NAA38: variants seen among roughly 807,000 people sequenced by gnomAD.
NAA38 encodes the protein N-alpha-acetyltransferase 38, NatC auxiliary subunit.
Under a neutral mutation model 12.6 loss-of-function variants are expected in NAA38, and 15 were observed. That is an observed-to-expected ratio of 1.19 (90% CI 0.79 to 1.83). NAA38 has a LOEUF of 1.83. NAA38 is among the 40% of genes most tolerant of loss of function. The pLI is 0.00. For missense variants in NAA38, 183 were observed against 171.7 expected, an observed-to-expected ratio of 1.07 and a Z score of -0.37; for synonymous variants, 88 against 69.9, an observed-to-expected ratio of 1.26 and a Z score of -1.29.
At chr17:7,878,247 T>A (rs1967209142) in intron 2 of NAA38, among the ~76,000 whole-genome samples, 1 of 152,134 alleles carries the variant, frequency 6.6e-6, no homozygotes, top group South Asian at 2.1e-4. Context: ...TATAATGGTA[T>A]AGCTGATATA....
upstream of NAA38, chr17:7,858,070 T>C (rs1406323499): frequency 1.3e-6 from 2 of 1,597,524 alleles, no homozygotes; most frequent in Non-Finnish European, 1.7e-6. Context: ...GTCGTAGTAG[T>C]AGTGAGTACG....
intron 2 of NAA38, among the ~76,000 whole-genome samples, chr17:7,878,024 T>C (rs1211954660): frequency 6.6e-6 from 1 of 151,896 alleles, no homozygotes; most frequent in African/African-American, 2.4e-5. Flanking sequence ...TTTTCTAAAA[T>C]ATGTACCTAT....
chr17:7,884,492 A>T (rs911458652), intron 1 of NAA38, among the ~76,000 whole-genome samples: 27 of 142,544 alleles, frequency 1.9e-4, no homozygotes, highest in Admixed American at 5.0e-4. Context: ...ATATATATAT[A>T]TTTTAAATCC....
upstream of NAA38, chr17:7,857,581 C>A (rs533226025): frequency 2.9e-6 from 4 of 1,393,440 alleles, no homozygotes; most frequent in Admixed American, 6.8e-5. Context: ...TCTCCTCCCC[C>A]TCCTAGTCTC....
chr17:7,871,616 A>C (rs1967087525), intron 2 of NAA38, among the ~76,000 whole-genome samples: 1 of 152,098 alleles, frequency 6.6e-6, no homozygotes, highest in South Asian at 2.1e-4. Context: ...CTTCTTGATC[A>C]CTGAAGAAAT....
intron 2 of NAA38, among the ~76,000 whole-genome samples, chr17:7,868,184 G>A (rs1187247688): frequency 6.6e-6 from 1 of 152,152 alleles, no homozygotes; most frequent in Admixed American, 6.5e-5. Context: ...GTTTGGGGAG[G>A]AGAAAAGGAC....
chr17:7,866,412 C>A, intron 3 of NAA38: 1 of 1,159,800 alleles, frequency 8.6e-7, no homozygotes, highest in Non-Finnish European at 1.1e-6. Flanking sequence ...CCGGCCGCCA[C>A]GGGGAACTTT....
At chr17:7,870,565 G>T (rs977768281) in intron 2 of NAA38, among the ~76,000 whole-genome samples, 1 of 152,112 alleles carries the variant, frequency 6.6e-6, no homozygotes, top group Non-Finnish European at 1.5e-5. Context: ...TAGCTCAGAA[G>T]TTGAGTTACT....
intron 2 of NAA38, among the ~76,000 whole-genome samples, chr17:7,867,214 C>T (rs772272837): frequency 1.3e-5 from 2 of 151,750 alleles, no homozygotes; most frequent in South Asian, 2.1e-4. Flanking sequence ...CAATGAGAGA[C>T]GCTGAGCCAG....
At position 7,857,186 on chromosome 17, in the gene NAA38, C is replaced by G. The variant is rs1322357168; in HGVS notation, c.94G>C (p.Glu32Gln). 4 of 1,613,104 alleles carry G rather than the reference C, an allele frequency of 2.5e-6. No homozygotes were observed. In the African/African-American group the frequency reaches 4.0e-5, roughly 16 times the overall value. The change falls in exon 2 of 3, where the codon GAG becomes CAG. Residue 32 changes from glutamate to glutamine, a missense_variant. Physicochemically the swap from Glu to Gln is conservative, Grantham distance 29. Coordinates refer to ENST00000575771, the MANE Select transcript of NAA38 (RefSeq NM_001320925.4). Reference protein sequence around the residue: ...SSSSAGDSDGEREDSAAERAR... With the variant: ...SSSSAGDSDGQREDSAAERAR... ...CGCTCAGCCGCCGAGTCCTCGCGCTCTCCGTCCGAATCCTGCGCGGGGTGT... is the reference window on the plus strand; with the variant it reads ...CGCTCAGCCGCCGAGTCCTCGCGCTGTCCGTCCGAATCCTGCGCGGGGTGT...
chr17:7,882,394 G>A (rs1445928035), intron 2 of NAA38, among the ~76,000 whole-genome samples: 1 of 152,214 alleles, frequency 6.6e-6, no homozygotes, highest in Non-Finnish European at 1.5e-5. Flanking sequence ...CACACAGTCA[G>A]AGACTGGAAG....
At position 7,878,811 on chromosome 17, in the gene NAA38, A is replaced by AT. The variant is rs57205897; in HGVS notation, c.-66+4423dup. Among the ~76,000 whole-genome samples the AT allele has an allele frequency of 3.9e-5, 6 of 152,288 alleles. No homozygotes were observed. The East Asian group carries it at 1.2e-3, about 29-fold the overall frequency. On this transcript the variant is annotated intron_variant, in intron 2 of 4. Transcript: ENST00000576861. The stretch of plus-strand genomic sequence containing the variant: ...AAAATTTTCAGATTGTACAGTAAGT[A>AT]TAAAAAGTCATTTTCTTATTCTTTT...
chr17:7,870,888 C>CAAA (rs34959751), intron 2 of NAA38, among the ~76,000 whole-genome samples: 3 of 122,924 alleles, frequency 2.4e-5, no homozygotes. Flanking sequence ...GACTCCACCT[C>CAAA]AAAAAAAAAA....
At chr17:7,866,496 T>C in exon 3 of NAA38, 3 of 1,231,520 alleles carry the variant, frequency 2.4e-6, no homozygotes, top group Non-Finnish European at 3.0e-6. Context: ...CTTACCATGG[T>C]CCAGAAGGTA....
chr17:7,874,169 G>A (rs1967134741), intron 2 of NAA38, among the ~76,000 whole-genome samples: 1 of 152,152 alleles, frequency 6.6e-6, no homozygotes, highest in Non-Finnish European at 1.5e-5. Flanking sequence ...TAGCTGATTA[G>A]GAGAAAATGA....
chr17:7,882,150 T>C (rs899410214), intron 2 of NAA38, among the ~76,000 whole-genome samples: 4 of 152,044 alleles, frequency 2.6e-5, no homozygotes, highest in Non-Finnish European at 4.4e-5. Flanking sequence ...TGAGTGTTTG[T>C]ATAGGGATGC....
At chr17:7,861,007 G>A (rs1294207711), upstream of NAA38, 1 of 152,170 alleles carries the variant, frequency 6.6e-6, no homozygotes, top group Non-Finnish European at 1.5e-5. Context: ...CTCCAAAAGA[G>A]GGAGCTCGAC....
chr17:7,866,569 C>A lies in NAA38; in HGVS notation c.-65-11G>T, dbSNP rs539962353. The A allele has an allele frequency of 5.1e-6, 6 of 1,188,036 alleles. No homozygotes were observed. The South Asian group carries it at 2.1e-4, about 42-fold the overall frequency. The allele number at this position is 1,188,036 out of a possible 1,614,324, so 73.6% of individuals were successfully genotyped here. A position where few individuals can be genotyped will look rare whatever the true frequency, so the allele number is the denominator to read the frequency against. On this transcript the variant is annotated splice_polypyrimidine_tract_variant and intron_variant, in intron 2 of 4. Coordinates refer to the NAA38 transcript ENST00000576861. The stretch of plus-strand genomic sequence containing the variant: ...TTGGCCTTTCAGTTTCTGAAATGCC[C>A]CCCAAGCTTTGCATCAGAGCCTTCC...
Position 7,857,162 on chromosome 17 carries a change from G to C in NAA38, c.118C>G (p.Arg40Gly). The change falls in exon 2 of 3, where the codon CGC becomes GGC. Residue 40 changes from arginine to glycine, a missense_variant. Transcript: ENST00000575771. ...DGEREDSAAERARQQLEALLN... is the reference protein window; with the variant it reads ...DGEREDSAAEGARQQLEALLN... ...AGCGCCTCTAGCTGCTGTCGGGCGC[G>C]CTCAGCCGCCGAGTCCTCGCGCTCT... The C allele has an allele frequency of 6.2e-7, 1 of 1,612,906 alleles. No homozygotes were observed. Among genetic ancestry groups the C allele is most frequent in the Non-Finnish European group, 8.5e-7 (1 of 1,179,986 alleles).
Sources: gnomAD v4.1 joint callset for allele counts (sites outside exome capture counted in the v4.1 genomes callset) on GRCh38, gnomAD v4.1.1 for gene constraint, MANE v1.5 for transcripts, NCBI Gene and HGNC (gene_info 2026-07-23, HGNC 2026-07-21) for gene names.